Variants in NCK1 observed in about 807,000 individuals in gnomAD.
NCK1 encodes NCK adaptor protein 1.
Under a neutral mutation model 36.6 loss-of-function variants are expected in NCK1, and 19 were observed. The observed-to-expected ratio is 0.52, with a 90% CI of 0.36 to 0.76. NCK1 has a LOEUF of 0.76. Ranked by LOEUF, NCK1 falls within the 30% of genes least tolerant of loss-of-function variation. The probability of loss-of-function intolerance (pLI) is 0.00; values close to 1 mark genes in which losing one functional copy is unlikely to be tolerated. For synonymous variants in NCK1, 165 were observed against 156.0 expected (o/e 1.06, Z -0.43); for missense variants, 358 against 445.6 (o/e 0.80, Z 1.77).
At chr3:136,871,089 C>G (rs1285564089) in intron 1 of NCK1, among the ~76,000 whole-genome samples, 3 of 151,934 alleles carry the variant, frequency 2.0e-5, no homozygotes, top group Non-Finnish European at 4.4e-5. Context: ...AAAAAGCTTA[C>G]TAATTTTTTT....
At chr3:136,867,121 T>C (rs866223839) in intron 1 of NCK1, among the ~76,000 whole-genome samples, 6 of 14,060 alleles carry the variant, frequency 4.3e-4, no homozygotes, top group East Asian at 2.6e-3. Flanking sequence ...TCTTTCTTTG[T>C]TTCTTTCTTT....
rs1359848584 is a variant in NCK1, at chr3:136,951,518, CTAATATGGATGGTCCTCTTAT to C, written c.*3066_*3086del. Among the ~76,000 whole-genome samples the C allele has an allele frequency of 3.3e-5, 5 of 152,180 alleles. No homozygotes were observed. The highest frequency in any genetic ancestry group is 2.0e-4 in the Admixed American group (3 of 15,280). On this transcript the variant is annotated 3_prime_UTR_variant, in exon 4 of 4. Coordinates refer to ENST00000481752, the MANE Select transcript of NCK1 (RefSeq NM_001291999.2). ...CCACAAGTCAACAATGAGCTGGAAT[CTAATATGGATGGTCCTCTTAT>C]CTTTACCAGTGCACATGGTGAAAAA...
intron 1 of NCK1, among the ~76,000 whole-genome samples, chr3:136,865,191 C>G (rs1434800415): frequency 6.6e-6 from 1 of 151,910 alleles, no homozygotes; most frequent in Admixed American, 6.6e-5. Flanking sequence ...CTCCTGACCT[C>G]GTGATCCACC....
chr3:136,941,343 T>C (rs1263064205), intron 2 of NCK1, among the ~76,000 whole-genome samples: 2 of 152,118 alleles, frequency 1.3e-5, no homozygotes, highest in East Asian at 1.9e-4. Context: ...TTGGCCAGGC[T>C]GATCTTGAAC....
intron 1 of NCK1, among the ~76,000 whole-genome samples, chr3:136,913,418 A>G (rs146290173): frequency 6.6e-6 from 1 of 152,074 alleles, no homozygotes; most frequent in Non-Finnish European, 1.5e-5. Flanking sequence ...GCAAGTGTGC[A>G]CCACTATGCC....
intron 2 of NCK1, among the ~76,000 whole-genome samples, chr3:136,935,791 G>A (rs1940514097): frequency 6.6e-6 from 1 of 152,102 alleles, no homozygotes; most frequent in South Asian, 2.1e-4. Flanking sequence ...TAACAGTGTT[G>A]TGCAGCCATC....
At chr3:136,925,911 C>G (rs1273087740) in intron 1 of NCK1, among the ~76,000 whole-genome samples, 1 of 152,148 alleles carries the variant, frequency 6.6e-6, no homozygotes, top group Admixed American at 6.5e-5. Flanking sequence ...AACTGTCAGA[C>G]AATTTTGCGG....
intron 1 of NCK1, chr3:136,899,882 G>T: frequency 3.4e-6 from 4 of 1,168,184 alleles, no homozygotes; most frequent in Non-Finnish European, 2.5e-6. Flanking sequence ...TTTTTTTAGG[G>T]GTTTTCTCTT....
intron 1 of NCK1, among the ~76,000 whole-genome samples, chr3:136,871,755 G>C (rs1399339252): frequency 6.6e-6 from 1 of 152,194 alleles, no homozygotes; most frequent in East Asian, 1.9e-4. Context: ...CCTGGTGGGA[G>C]GTAATTGAAC....
chr3:136,944,949 A>C (rs1940772082), intron 2 of NCK1, among the ~76,000 whole-genome samples: 1 of 152,234 alleles, frequency 6.6e-6, no homozygotes, highest in African/African-American at 2.4e-5. Context: ...TTGGGATTCT[A>C]TCTGTAAACA....
At position 136,895,166 on chromosome 3, in the gene NCK1, C is replaced by T. The variant is rs902799443; in HGVS notation, c.-19+32813C>T. On this transcript the variant is annotated intron_variant, in intron 1 of 3. Coordinates refer to ENST00000481752, the MANE Select transcript of NCK1 (RefSeq NM_001291999.2). ...CTAGGATTATAGGCATGAGCCACTG[C>T]GCCCAGCAAGCTGATTTTTTTTGAT... is the stretch of plus-strand genomic sequence containing the variant. 3.9e-5 allele frequency among the ~76,000 whole-genome samples: 6 copies of T among 152,242 alleles called. No homozygotes were observed. The South Asian group carries it at 8.3e-4, about 21-fold the overall frequency.
intron 2 of NCK1, among the ~76,000 whole-genome samples, chr3:136,928,885 A>AC (rs1232419838): frequency 2.0e-5 from 3 of 150,750 alleles, no homozygotes; most frequent in Non-Finnish European, 4.4e-5. Flanking sequence ...AAAAAAAAAA[A>AC]TTAAACTCTC....
chr3:136,932,199 T>C (rs975957951), intron 2 of NCK1, among the ~76,000 whole-genome samples: 1 of 152,154 alleles, frequency 6.6e-6, no homozygotes, highest in South Asian at 2.1e-4. Flanking sequence ...GGTAAAATTA[T>C]TCTTTTTGCT....
intron 1 of NCK1, chr3:136,889,406 T>G (rs979813617): frequency 2.6e-5 from 4 of 153,444 alleles, no homozygotes; most frequent in African/African-American, 4.8e-5. Flanking sequence ...TCTCGCTGGT[T>G]TCAGGAGTGA....
intron 1 of NCK1, chr3:136,899,668 A>G (rs958950245): frequency 1.4e-6 from 1 of 736,784 alleles, no homozygotes; most frequent in Non-Finnish European, 2.5e-6. Flanking sequence ...ATCTTATCCA[A>G]ATCTAAATAA....
intron 1 of NCK1, among the ~76,000 whole-genome samples, chr3:136,912,161 T>A (rs1400619092): frequency 3.1e-5 from 3 of 95,472 alleles, no homozygotes; most frequent in Admixed American, 1.2e-4. Context: ...TATTATTTTT[T>A]CTTTTTTTTT....
At chr3:136,871,855 C>A (rs2108068465) in intron 1 of NCK1, among the ~76,000 whole-genome samples, 1 of 152,274 alleles carries the variant, frequency 6.6e-6, no homozygotes, top group South Asian at 2.1e-4. Flanking sequence ...TTTCCCTGCA[C>A]AAACTCTCTT....
At chr3:136,904,318 A>T (rs1464207064) in intron 1 of NCK1, among the ~76,000 whole-genome samples, 1 of 151,968 alleles carries the variant, frequency 6.6e-6, no homozygotes, top group African/African-American at 2.4e-5. Flanking sequence ...GTGCCCAGCT[A>T]ATTTTTGTAT....
At chr3:136,939,839 CTTTT>C (rs397991172) in intron 2 of NCK1, among the ~76,000 whole-genome samples, 21 of 66,926 alleles carry the variant, frequency 3.1e-4, no homozygotes, top group Admixed American at 3.0e-3. Context: ...TTATTGAGGC[CTTTT>C]TTTTTTTTTT....
Sources: allele counts gnomAD v4.1 joint callset (sites outside exome capture counted in the v4.1 genomes callset), GRCh38; gene constraint gnomAD v4.1.1; transcripts MANE v1.5; gene names NCBI Gene and HGNC (gene_info 2026-07-23, HGNC 2026-07-21).